Variants in ZNF282 observed in about 807,000 individuals in gnomAD.
ZNF282 encodes zinc finger protein 282.
ZNF282 carries 30 observed loss-of-function variants against 61.9 expected under a neutral mutation model. That is an observed-to-expected ratio of 0.48 (90% CI 0.36 to 0.66). The LOEUF (loss-of-function observed/expected upper bound fraction) is 0.66, where lower values mean the gene tolerates loss of function less well. Among genes scored for constraint, ZNF282 ranks in the 30% least tolerant of loss-of-function variants. The pLI is 0.00. For missense variants in ZNF282, 788 were observed against 941.4 expected (o/e 0.84, Z 2.13); for synonymous variants, 396 against 405.0 (o/e 0.98, Z 0.27).
In ZNF282 at chr7:149,224,174, A is replaced by T; in HGVS notation, c.1543A>T (p.Ser515Cys). 6.3e-7 allele frequency: 1 copy of T among 1,597,244 alleles called. No homozygotes were observed. Among genetic ancestry groups the T allele is most frequent in the South Asian group, 1.1e-5 (1 of 90,490 alleles). Residue 515 changes from serine (S) to cysteine (C), a missense_variant, in exon 8 of 8, where the codon AGC (serine) becomes TGC (cysteine). Coordinates refer to ENST00000610704, the MANE Select transcript of ZNF282 (RefSeq NM_003575.4). ...GAGCCTCCTCCTGCACGGCGCCCGCAGCAAGCCCTACTCGTGCCCCGAGTG... is the reference window on the plus strand; with the variant it reads ...GAGCCTCCTCCTGCACGGCGCCCGCTGCAAGCCCTACTCGTGCCCCGAGTG... ...RRSLLLHGARSKPYSCPECGK... is the reference protein window; with the variant it reads ...RRSLLLHGARCKPYSCPECGK...
At position 149,224,825 on chromosome 7, in the gene ZNF282, C is replaced by T. The variant is rs1796341069; in HGVS notation, c.*178C>T. On this transcript the variant is annotated 3_prime_UTR_variant, in exon 8 of 8. Coordinates refer to ENST00000610704, the MANE Select transcript of ZNF282 (RefSeq NM_003575.4). ...CAGATCTGTCTGGTCTGAATGGACG[C>T]CCAGCTCATCTAGGGTGGACCCAGC... 8.5e-7 allele frequency: 1 copy of T among 1,178,468 alleles called. No individual in the cohort carries two copies. Among genetic ancestry groups the T allele is most frequent in the Non-Finnish European group, 1.2e-6 (1 of 868,640 alleles). The allele number at this position is 1,178,468 out of a possible 1,614,324, so 73.0% of individuals were successfully genotyped here.
intron 4 of ZNF282, among the ~76,000 whole-genome samples, chr7:149,209,119 G>C (rs1171212063): frequency 1.3e-5 from 2 of 151,284 alleles, no homozygotes; most frequent in Non-Finnish European, 2.9e-5. Flanking sequence ...GAGATCGAGA[G>C]CATCCTGGCT....
At chr7:149,219,521 A>G (rs543709116) in intron 7 of ZNF282, among the ~76,000 whole-genome samples, 51 of 152,276 alleles carry the variant, frequency 3.3e-4, no homozygotes, top group South Asian at 1.2e-3. Context: ...GGGATTTGAC[A>G]GGTTGGATAT....
chr7:149,215,081 C>T (rs1486604567), intron 7 of ZNF282, among the ~76,000 whole-genome samples: 1 of 152,134 alleles, frequency 6.6e-6, no homozygotes, highest in African/African-American at 2.4e-5. Context: ...TAATATTCCT[C>T]GCTAAAACCC....
At position 149,225,832 on chromosome 7, in the gene ZNF282, G is replaced by A. The variant is rs1487541977; in HGVS notation, c.*1185G>A. ...ACACCCTGCAGGCGCCTCGGGAAGC[G>A]CCCAAAGGATTCCCCTTCACGTTGG... On this transcript the variant is annotated 3_prime_UTR_variant, in exon 8 of 8. Coordinates refer to ENST00000610704, the MANE Select transcript of ZNF282 (RefSeq NM_003575.4). 2.0e-5 allele frequency: 3 copies of A among 152,710 alleles called. No homozygotes were observed. Among genetic ancestry groups the A allele is most frequent in the African/African-American group, 7.2e-5 (3 of 41,450 alleles). The allele number at this position is 152,710 out of a possible 1,614,324, so 9.5% of individuals were successfully genotyped here.
chr7:149,199,312 C>G (rs991352249), intron 2 of ZNF282, among the ~76,000 whole-genome samples: 3 of 152,168 alleles, frequency 2.0e-5, no homozygotes, highest in Admixed American at 6.5e-5. Context: ...CCAGAAGAGG[C>G]GTCCACATGC....
intron 4 of ZNF282, among the ~76,000 whole-genome samples, chr7:149,209,311 G>A (rs1375586177): frequency 2.0e-5 from 3 of 150,514 alleles, no homozygotes; most frequent in African/African-American, 2.4e-5. Context: ...GACAGATTCC[G>A]TCTCAAAAAA....
At chr7:149,200,503 T>A (rs1795890771) in intron 2 of ZNF282, among the ~76,000 whole-genome samples, 1 of 152,214 alleles carries the variant, frequency 6.6e-6, no homozygotes, top group South Asian at 2.1e-4. Context: ...TTCTAATGCA[T>A]GGAGTGGGCC....
chr7:149,221,121 G>C (rs1468933623), intron 7 of ZNF282, among the ~76,000 whole-genome samples: 1 of 152,074 alleles, frequency 6.6e-6, no homozygotes, highest in East Asian at 1.9e-4. Flanking sequence ...GTCTCCCTAG[G>C]TTGCCTAGGC....
In ZNF282 at chr7:149,210,540, C is replaced by T. The variant is rs1481704561; in HGVS notation, c.833-45C>T. On this transcript the variant is annotated intron_variant, in intron 4 of 7. Transcript: ENST00000610704. ...GTTCCCAGGAGCAGAGCTCCTGGTG[C>T]CTGCAGAAAAAAAGACACAAAGCAA... 3 of 1,599,848 alleles carry T rather than the reference C, an allele frequency of 1.9e-6. No individual in the cohort carries two copies. In the South Asian group the frequency reaches 3.4e-5, roughly 18 times the overall value.
At chr7:149,213,986 A>G (rs1482753714) in intron 7 of ZNF282, among the ~76,000 whole-genome samples, 172 bp downstream of exon 7, 2 of 152,152 alleles carry the variant, frequency 1.3e-5, no homozygotes, top group Non-Finnish European at 2.9e-5. Context: ...GGAGTGTGAT[A>G]TTGTATTAGC....
chr7:149,224,888 C>T lies in ZNF282; in HGVS notation c.*241C>T, dbSNP rs534050067. The T allele has an allele frequency of 3.5e-5, 23 of 657,492 alleles. No individual in the cohort carries two copies. In the African/African-American group the frequency reaches 3.8e-4, roughly 11 times the overall value. 40.7% of individuals were successfully genotyped at this position (657,492 alleles called of 1,614,324 possible). A position where few individuals can be genotyped will look rare whatever the true frequency, so the allele number is the denominator to read the frequency against. ...GCCAGGGGGACCGCGAGGAGCCGAG[C>T]GTCCTCGGGCACCGCCCTCACACCT... On this transcript the variant is annotated 3_prime_UTR_variant, in exon 8 of 8. Coordinates refer to ENST00000610704, the MANE Select transcript of ZNF282 (RefSeq NM_003575.4).
At chr7:149,223,274 G>A (rs1796287761) in intron 7 of ZNF282, among the ~76,000 whole-genome samples, 4 of 145,980 alleles carry the variant, frequency 2.7e-5, no homozygotes, top group South Asian at 2.1e-4. Flanking sequence ...GCGACCGGCC[G>A]AAAAGATTTG....
chr7:149,204,173 GAC>G (rs1198522793), intron 2 of ZNF282, among the ~76,000 whole-genome samples: 1 of 152,152 alleles, frequency 6.6e-6, no homozygotes, highest in Non-Finnish European at 1.5e-5. Context: ...AAGTAAAAAA[GAC>G]ACGTGCCAGA....
chr7:149,207,610 G>T, intron 4 of ZNF282, 140 bp downstream of exon 4: 1 of 1,321,140 alleles, frequency 7.6e-7, no homozygotes. Flanking sequence ...GGCCAGTTCT[G>T]CCAGAGTCGA....
intron 7 of ZNF282, among the ~76,000 whole-genome samples, chr7:149,215,628 A>G (rs540748361): frequency 2.3e-4 from 35 of 152,362 alleles, no homozygotes; most frequent in African/African-American, 7.9e-4. Flanking sequence ...TAGTTCTAGA[A>G]GAGCCAGTGT....
intron 7 of ZNF282, among the ~76,000 whole-genome samples, chr7:149,216,142 A>C (rs959301157): frequency 6.6e-6 from 1 of 152,196 alleles, no homozygotes; most frequent in Non-Finnish European, 1.5e-5. Flanking sequence ...TCTGCCGCTC[A>C]GGCTGGAGTG....
intron 1 of ZNF282, among the ~76,000 whole-genome samples, chr7:149,196,746 C>T (rs767240366): frequency 2.6e-5 from 4 of 152,150 alleles, no homozygotes; most frequent in Non-Finnish European, 5.9e-5. Flanking sequence ...TGGGCTAGGG[C>T]GGAGTGGAGC....
chr7:149,195,594 A>C lies in ZNF282; in HGVS notation c.5A>C (p.Gln2Pro), dbSNP rs1365217087. 1.2e-6 allele frequency: 2 copies of C among 1,610,730 alleles called. No homozygotes were observed. Among genetic ancestry groups the C allele is most frequent in the South Asian group, 2.2e-5 (2 of 90,950 alleles). MQFVSTRPQPQQ... is the reference protein window; with the variant it reads MPFVSTRPQPQQ... Reference sequence around the variant, plus strand: ...GCGGGGAACAGCACTCCCAGGATGCAGTTTGTGTCAACACGGCCGCAGCCT... The same window carrying C: ...GCGGGGAACAGCACTCCCAGGATGCCGTTTGTGTCAACACGGCCGCAGCCT... Residue 2 changes from glutamine (Q) to proline (P), a missense_variant, in exon 1 of 8, where the codon CAG becomes CCG. Physicochemically the swap from Gln to Pro is moderately conservative, Grantham distance 76. Transcript: ENST00000610704.
Sources: gnomAD v4.1 joint callset for allele counts (sites outside exome capture counted in the v4.1 genomes callset) on GRCh38, gnomAD v4.1.1 for gene constraint, MANE v1.5 for transcripts, NCBI Gene and HGNC (gene_info 2026-07-23, HGNC 2026-07-21) for gene names.